Variants in AUH observed in about 807,000 individuals in gnomAD.
AUH encodes AU RNA binding methylglutaconyl-CoA hydratase.
In AUH, 29 loss-of-function variants were observed where a neutral mutation model predicts 42.3. The ratio of observed to expected loss-of-function variants is 0.69; its 90% confidence interval spans 0.51 to 0.93. The LOEUF is 0.93. Ranked by LOEUF, AUH falls within the 40% of genes least tolerant of loss-of-function variation. The pLI, the probability that AUH is intolerant of heterozygous loss-of-function variation, is 0.00. For missense variants in AUH, 452 were observed against 438.1 expected, an observed-to-expected ratio of 1.03 and a Z score of -0.28; for synonymous variants, 174 against 166.4, an observed-to-expected ratio of 1.05 and a Z score of -0.35.
At chr9:91,344,303 T>C (rs977075151) in intron 3 of AUH, among the ~76,000 whole-genome samples, 2 of 152,208 alleles carry the variant, frequency 1.3e-5, no homozygotes, top group South Asian at 2.1e-4. Context: ...TGAATCTACC[T>C]ATAACCTGGA....
At chr9:91,230,353 TGAG>T (rs1265110050) in intron 6 of AUH, among the ~76,000 whole-genome samples, 3 of 152,216 alleles carry the variant, frequency 2.0e-5, no homozygotes, top group African/African-American at 7.2e-5. Flanking sequence ...CAGCGGCTCC[TGAG>T]GCTTCTGCAT....
chr9:91,315,093 C>T (rs1298699781), intron 4 of AUH, among the ~76,000 whole-genome samples: 1 of 152,180 alleles, frequency 6.6e-6, no homozygotes, highest in Non-Finnish European at 1.5e-5. Context: ...TGCGCCACCA[C>T]GTCCAGCTAA....
chr9:91,222,009 GCAGA>G (rs1587624347), intron 6 of AUH, among the ~76,000 whole-genome samples: 1 of 152,340 alleles, frequency 6.6e-6, no homozygotes, highest in East Asian at 1.9e-4. Context: ...CAGAGGAGCA[GCAGA>G]CTGCCCCCTT....
At chr9:91,281,478 G>A (rs189358590) in intron 6 of AUH, among the ~76,000 whole-genome samples, 2 of 152,076 alleles carry the variant, frequency 1.3e-5, no homozygotes, top group South Asian at 2.1e-4. Flanking sequence ...TGAATCCCAC[G>A]GTTTTTTATT....
At chr9:91,343,173 G>C (rs951097154) in intron 3 of AUH, 1 of 152,086 alleles carries the variant, frequency 6.6e-6, no homozygotes, top group African/African-American at 2.4e-5. Flanking sequence ...GTGAGGGGTG[G>C]GGGCAGGGGT....
chr9:91,217,449 T>C (rs1487682484), intron 7 of AUH, 122 bp from the exon 8 acceptor site: 8 of 1,027,442 alleles, frequency 7.8e-6, no homozygotes, highest in East Asian at 7.6e-5. Context: ...GGCTGTCAGA[T>C]ACTAGATGGA....
At chr9:91,214,564 T>G in intron 9 of AUH, 139 bp from the exon 10 acceptor site, 1 of 692,440 alleles carries the variant, frequency 1.4e-6, no homozygotes, top group Non-Finnish European at 2.4e-6. Flanking sequence ...CCTAATTATG[T>G]AACCAAACTC....
intron 1 of AUH, 74 bp from the exon 2 acceptor site, chr9:91,356,229 T>A (rs185264779): frequency 8.4e-7 from 1 of 1,187,290 alleles, no homozygotes; most frequent in East Asian, 2.4e-5. Context: ...ACATCACACA[T>A]CTAGCTAGCT....
chr9:91,225,637 G>C (rs1185741411), intron 6 of AUH, among the ~76,000 whole-genome samples: 1 of 151,228 alleles, frequency 6.6e-6, no homozygotes, highest in Non-Finnish European at 1.5e-5. Context: ...TGCCATGCTG[G>C]TGTGCTGCAC....
chr9:91,269,816 C>T (rs182052878), intron 6 of AUH, among the ~76,000 whole-genome samples: 65 of 152,264 alleles, frequency 4.3e-4, no homozygotes, highest in Admixed American at 2.2e-3. Context: ...CTCTGGGAAA[C>T]GTTCCTAAAA....
At chr9:91,317,780 G>C (rs1829267561) in intron 4 of AUH, among the ~76,000 whole-genome samples, 1 of 152,180 alleles carries the variant, frequency 6.6e-6, no homozygotes, top group Non-Finnish European at 1.5e-5. Flanking sequence ...CCTTTCGTCA[G>C]GCTAAGGAAG....
At chr9:91,306,212 T>C (rs1222854128) in intron 4 of AUH, 2 of 313,212 alleles carry the variant, frequency 6.4e-6, no homozygotes, top group Non-Finnish European at 4.6e-6. Context: ...CCCCAGAATA[T>C]TTCCTTCCTA....
chr9:91,319,107 T>C (rs1448148555), intron 4 of AUH, among the ~76,000 whole-genome samples: 1 of 152,206 alleles, frequency 6.6e-6, no homozygotes, highest in African/African-American at 2.4e-5. Context: ...TTTTTTTCAT[T>C]TGTAATACGT....
chr9:91,290,244 T>C (rs890737540), intron 6 of AUH, among the ~76,000 whole-genome samples: 7 of 152,224 alleles, frequency 4.6e-5, no homozygotes, highest in South Asian at 4.2e-4. Context: ...AGTGAGACCC[T>C]GCCTCTACAA....
Position 91,216,046 on chromosome 9 carries a change from T to C in AUH, c.942+13A>G, listed in dbSNP as rs762969910. ...AGGGTCATCCTCATTGAATTTGTGATTGCATTACATACCTGAGCATAACAA... is the reference window on the plus strand; with the variant it reads ...AGGGTCATCCTCATTGAATTTGTGACTGCATTACATACCTGAGCATAACAA... On this transcript the variant is annotated intron_variant, in intron 9 of 9. Coordinates refer to ENST00000375731, the MANE Select transcript of AUH (RefSeq NM_001698.3). 11 of 1,604,746 alleles carry C rather than the reference T, an allele frequency of 6.9e-6. No homozygotes were observed. Among genetic ancestry groups the C allele is most frequent in the Non-Finnish European group, 9.4e-6 (11 of 1,171,864 alleles).
chr9:91,214,471 T>C (rs1826710889), intron 9 of AUH, 46 bp from the exon 10 acceptor site: 1 of 1,488,704 alleles, frequency 6.7e-7, no homozygotes, highest in African/African-American at 1.4e-5. Context: ...TTAAAACAAC[T>C]GTAAAAGTTT....
In AUH at chr9:91,357,532, CATT is replaced by C. The variant is rs1832513752; in HGVS notation, c.263-1380_263-1378del. On this transcript the variant is annotated intron_variant, in intron 1 of 9. Coordinates refer to ENST00000375731, the MANE Select transcript of AUH (RefSeq NM_001698.3). ...CTAGAGTCTAGGAGGGAAATACAAA[CATT>C]AATAATCATAGAAATCATTAATAAT... is the stretch of plus-strand genomic sequence containing the variant. 14 of 941,430 alleles carry C rather than the reference CATT, an allele frequency of 1.5e-5. No individual in the cohort carries two copies. The South Asian group carries it at 3.4e-4, about 23-fold the overall frequency. 58.3% of individuals were successfully genotyped at this position (941,430 alleles called of 1,614,324 possible).
chr9:91,333,709 T>C (rs980637401), intron 3 of AUH, among the ~76,000 whole-genome samples: 1 of 152,202 alleles, frequency 6.6e-6, no homozygotes, highest in Non-Finnish European at 1.5e-5. Context: ...GTCATTCCTT[T>C]AGCACTCTGG....
intron 6 of AUH, among the ~76,000 whole-genome samples, chr9:91,275,368 A>C (rs1334081171): frequency 6.6e-6 from 1 of 152,168 alleles, no homozygotes; most frequent in Non-Finnish European, 1.5e-5. Flanking sequence ...TACATGACTG[A>C]TTTCAAAGTA....
Sources: gnomAD v4.1 joint callset for allele counts (sites outside exome capture counted in the v4.1 genomes callset) on GRCh38, gnomAD v4.1.1 for gene constraint, MANE v1.5 for transcripts, NCBI Gene and HGNC (gene_info 2026-07-23, HGNC 2026-07-21) for gene names.